TEX26: variants seen among roughly 807,000 people sequenced by gnomAD.
The protein encoded by TEX26 is testis expressed 26.
Under a neutral mutation model 35.3 loss-of-function variants are expected in TEX26, and 34 were observed. The observed-to-expected ratio is 0.96, with a 90% CI of 0.73 to 1.28. The LOEUF (loss-of-function observed/expected upper bound fraction) is 1.28. Ranked by LOEUF, TEX26 falls within the 50% of genes most tolerant of loss-of-function variation. The probability of loss-of-function intolerance (pLI) is 0.00; values close to 1 mark genes in which losing one functional copy is unlikely to be tolerated. For missense variants in TEX26, 371 were observed against 330.1 expected, an observed-to-expected ratio of 1.12 and a Z score of -0.96; for synonymous variants, 136 against 111.8, an observed-to-expected ratio of 1.22 and a Z score of -1.36.
chr13:30,972,436 G>A lies in TEX26; in HGVS notation c.809-2410G>A, dbSNP rs532476076. Among the ~76,000 whole-genome samples the A allele has an allele frequency of 2.6e-5, 4 of 151,720 alleles. No homozygotes were observed. In the East Asian group the frequency reaches 5.8e-4, roughly 22 times the overall value. ...CCATGTATGTATACCTCTGGTATCA[G>A]AAGAAAGGATTTTTTTCTTATTTTA... On this transcript the variant is annotated intron_variant, in intron 6 of 6. Transcript: ENST00000380473.
chr13:30,939,935 C>A (rs1593537095), intron 2 of TEX26, among the ~76,000 whole-genome samples, 157 bp downstream of exon 2: 1 of 152,128 alleles, frequency 6.6e-6, no homozygotes. Flanking sequence ...TCCAAGCATC[C>A]GTGATACCCC....
chr13:30,954,277 T>TACACACACACAC (rs56003143), intron 3 of TEX26, among the ~76,000 whole-genome samples: 2 of 137,954 alleles, frequency 1.4e-5, no homozygotes, highest in African/African-American at 5.4e-5. Context: ...TATAGACCTA[T>TACACACACACAC]ACACACACAC....
intron 5 of TEX26, among the ~76,000 whole-genome samples, chr13:30,966,870 C>T (rs1352518426): frequency 6.6e-6 from 1 of 152,214 alleles, no homozygotes; most frequent in Non-Finnish European, 1.5e-5. Context: ...GGCATGAAAT[C>T]AGAACCTTGT....
chr13:30,947,629 A>G (rs932017944), intron 2 of TEX26, among the ~76,000 whole-genome samples: 2 of 152,180 alleles, frequency 1.3e-5, no homozygotes, highest in African/African-American at 2.4e-5. Flanking sequence ...ACAAATGACT[A>G]TTAAATTGCA....
At chr13:30,945,720 T>A (rs1953683062) in intron 2 of TEX26, among the ~76,000 whole-genome samples, 1 of 151,964 alleles carries the variant, frequency 6.6e-6, no homozygotes, top group Non-Finnish European at 1.5e-5. Context: ...GGATAAAAAA[T>A]TCTAGGTTGA....
intron 2 of TEX26, among the ~76,000 whole-genome samples, chr13:30,952,023 TTTTTTTTTTTTTTTTTTTTTTG>T (rs1953945867): frequency 8.1e-5 from 7 of 86,154 alleles, no homozygotes; most frequent in South Asian, 1.1e-3. Context: ...TTTTTTTTTT[TTTTTTTTTTTTTTTTTTTTTTG>T]GTCTCCATGA....
intron 4 of TEX26, among the ~76,000 whole-genome samples, chr13:30,965,573 T>TG (rs1371783179): frequency 2.0e-5 from 3 of 152,210 alleles, no homozygotes; most frequent in African/African-American, 7.2e-5. Flanking sequence ...TTGTGACTCT[T>TG]GCCTCTGTAA....
At chr13:30,973,902 C>A (rs1954791106) in intron 6 of TEX26, among the ~76,000 whole-genome samples, 1 of 151,836 alleles carries the variant, frequency 6.6e-6, no homozygotes, top group Non-Finnish European at 1.5e-5. Context: ...GTAATCCCAG[C>A]ACTTTGGGAA....
intron 3 of TEX26, among the ~76,000 whole-genome samples, chr13:30,956,417 G>T (rs990052583): frequency 6.6e-6 from 1 of 151,948 alleles, no homozygotes; most frequent in African/African-American, 2.4e-5. Context: ...GTCTATCATT[G>T]TTGGACATTT....
At chr13:30,947,182 T>A (rs1327036331) in intron 2 of TEX26, among the ~76,000 whole-genome samples, 1 of 152,180 alleles carries the variant, frequency 6.6e-6, no homozygotes, top group African/African-American at 2.4e-5. Flanking sequence ...TTCATAATTA[T>A]GAAATACAAA....
intron 3 of TEX26, among the ~76,000 whole-genome samples, chr13:30,953,458 C>G (rs1954006656): frequency 6.6e-6 from 1 of 152,222 alleles, no homozygotes; most frequent in Admixed American, 6.5e-5. Flanking sequence ...ATAATATTCT[C>G]TTCCGCGGAT....
At position 30,960,535 on chromosome 13, in the gene TEX26, A is replaced by G. The variant is rs533897655; in HGVS notation, c.469+3506A>G. ...GCTAGGATTACAGATATGAGCCACCATGCCTGGCTGAAAACTTCTTTACTT... is the reference window on the plus strand; with the variant it reads ...GCTAGGATTACAGATATGAGCCACCGTGCCTGGCTGAAAACTTCTTTACTT... On this transcript the variant is annotated intron_variant, in intron 4 of 6. Coordinates refer to ENST00000380473, the MANE Select transcript of TEX26 (RefSeq NM_152325.3). 2.3e-4 allele frequency among the ~76,000 whole-genome samples: 35 copies of G among 152,276 alleles called. No homozygotes were observed. The South Asian group carries it at 5.8e-3, about 25-fold the overall frequency.
intron 4 of TEX26, among the ~76,000 whole-genome samples, chr13:30,959,220 C>T (rs1020889111): frequency 1.3e-5 from 2 of 152,160 alleles, no homozygotes; most frequent in South Asian, 4.1e-4. Flanking sequence ...TAAATGATTA[C>T]TTACAGGCAT....
chr13:30,971,316 T>C (rs910415206), intron 6 of TEX26, among the ~76,000 whole-genome samples: 3 of 152,204 alleles, frequency 2.0e-5, no homozygotes, highest in African/African-American at 7.2e-5. Flanking sequence ...CTGGCAGATG[T>C]GTTAGGCAGA....
At position 30,968,980 on chromosome 13, in the gene TEX26, T is replaced by C. The variant is rs780244845; in HGVS notation, c.742T>C (p.Leu248=). Residue 248 remains leucine (L), a synonymous_variant, in exon 6 of 7, where the codon TTA becomes CTA. Transcript: ENST00000380473. ...CTACGACAAAACCTACCCAGATTTC[T>C]TAATGCTTTTAAACTCATTTACTTC... The part of the protein sequence containing the change: ...SDYDKTYPDF[L]MLLNSFTSSQ... 4 of 1,614,154 alleles carry C rather than the reference T, an allele frequency of 2.5e-6. No homozygotes were observed. In the South Asian group the frequency reaches 4.4e-5, roughly 18 times the overall value.
intron 1 of TEX26, chr13:30,933,037 G>A (rs1280485792): frequency 2.5e-6 from 1 of 392,796 alleles, no homozygotes; most frequent in East Asian, 3.7e-5. Flanking sequence ...GAAGTGCCTG[G>A]CTAAGAGGGG....
chr13:30,938,182 G>C (rs1668981854), intron 1 of TEX26, among the ~76,000 whole-genome samples: 1 of 152,142 alleles, frequency 6.6e-6, no homozygotes, highest in South Asian at 2.1e-4. Context: ...TAACCACCCA[G>C]ATATGAAGAG....
intron 2 of TEX26, among the ~76,000 whole-genome samples, chr13:30,940,771 C>G (rs1953466582): frequency 1.3e-5 from 2 of 152,038 alleles, no homozygotes; most frequent in South Asian, 4.2e-4. Context: ...AACCCCTTCT[C>G]TACCTAAAAT....
At chr13:30,958,789 TC>T (rs1190587923) in intron 4 of TEX26, among the ~76,000 whole-genome samples, 1 of 152,176 alleles carries the variant, frequency 6.6e-6, no homozygotes, top group Non-Finnish European at 1.5e-5. Context: ...CTGTAGTATA[TC>T]CCGTCTAGCA....
Sources: gnomAD v4.1 joint callset for allele counts (sites outside exome capture counted in the v4.1 genomes callset) on GRCh38, gnomAD v4.1.1 for gene constraint, MANE v1.5 for transcripts, NCBI Gene and HGNC (gene_info 2026-07-23, HGNC 2026-07-21) for gene names.